Variants in ARHGAP32 observed in about 807,000 individuals in gnomAD.
The protein encoded by ARHGAP32 is rho GTPase-activating protein 32.
Under a neutral mutation model 186.5 loss-of-function variants are expected in ARHGAP32, and 51 were observed. The observed-to-expected ratio is 0.27, with a 90% CI of 0.22 to 0.35. The LOEUF (loss-of-function observed/expected upper bound fraction) is 0.35. Among genes scored for constraint, ARHGAP32 ranks in the 10% least tolerant of loss-of-function variants. The pLI, the probability that ARHGAP32 is intolerant of heterozygous loss-of-function variation, is 1.00. For missense variants in ARHGAP32, 2,186 were observed against 2,623.5 expected, an observed-to-expected ratio of 0.83 and a Z score of 3.64; for synonymous variants, 950 against 964.3, an observed-to-expected ratio of 0.99 and a Z score of 0.27.
intron 1 of ARHGAP32, among the ~76,000 whole-genome samples, chr11:129,216,920 T>C (rs1247454587): frequency 6.6e-6 from 1 of 152,004 alleles, no homozygotes; most frequent in African/African-American, 2.4e-5. Context: ...TTTTTCTAAA[T>C]GGCCCAATAT....
intron 1 of ARHGAP32, among the ~76,000 whole-genome samples, chr11:129,235,886 TTA>T (rs763835017): frequency 8.4e-5 from 12 of 142,298 alleles, no homozygotes; most frequent in Non-Finnish European, 1.8e-4. Flanking sequence ...GCAAATGCCA[TTA>T]TGTCATTCAT....
At chr11:129,010,891 T>G (rs1404299915) in intron 11 of ARHGAP32, among the ~76,000 whole-genome samples, 1 of 152,210 alleles carries the variant, frequency 6.6e-6, no homozygotes, top group Non-Finnish European at 1.5e-5. Context: ...AATTGTCAAA[T>G]TTGGTAACTG....
chr11:129,219,438 C>A (rs1185352311), intron 1 of ARHGAP32, among the ~76,000 whole-genome samples: 1 of 152,188 alleles, frequency 6.6e-6, no homozygotes, highest in East Asian at 1.9e-4. Flanking sequence ...TTCTAGTATT[C>A]CTATCCTCAC....
intron 6 of ARHGAP32, among the ~76,000 whole-genome samples, chr11:129,082,634 A>G (rs1941253590): frequency 6.6e-6 from 1 of 152,176 alleles, no homozygotes; most frequent in South Asian, 2.1e-4. Context: ...AAGACCTGAC[A>G]CCACAAAAAT....
intron 2 of ARHGAP32, among the ~76,000 whole-genome samples, chr11:129,163,828 C>T (rs1565451261): frequency 6.6e-6 from 1 of 152,136 alleles, no homozygotes; most frequent in African/African-American, 2.4e-5. Context: ...CAATAAAGTA[C>T]AAGAAACTGC....
At chr11:129,126,108 A>T (rs1483247325) in intron 2 of ARHGAP32, 1 of 250,480 alleles carries the variant, frequency 4.0e-6, no homozygotes, top group South Asian at 4.1e-5. Flanking sequence ...CTAGAAAAAA[A>T]TTTTAAGACT....
At position 128,969,325 on chromosome 11, in the gene ARHGAP32, T is replaced by C. The variant is rs1338095615; in HGVS notation, c.5888A>G (p.Glu1963Gly). The C allele has an allele frequency of 1.2e-6, 2 of 1,614,236 alleles. No homozygotes were observed. The highest frequency in any genetic ancestry group is 1.3e-5 in the African/African-American group (1 of 75,056). The change falls in exon 23 of 23, where the codon GAG (glutamate) becomes GGG (glycine). Residue 1963 changes from glutamate (E) to glycine (G), a missense_variant. By Grantham distance (98) the Glu-to-Gly change is moderately conservative (BLOSUM62 -2). Around this residue, in one of 5 missense-constraint regions of ARHGAP32, gnomAD observed 1,502 missense variants for 1,570.0 expected, o/e 0.96. Coordinates refer to ENST00000682385, the MANE Select transcript of ARHGAP32 (RefSeq NM_001378024.1). This position sits in a 1 kb window ranked among gnomAD's most constrained non-coding sequence, Gnocchi z 4.8. ...AGAAGGCTGCCTAACCCAGGGTCGCTCCATCTCTTTGGAGAGCCTTACCTC... is the reference window on the plus strand; with the variant it reads ...AGAAGGCTGCCTAACCCAGGGTCGCCCCATCTCTTTGGAGAGCCTTACCTC... Reference protein sequence around the residue: ...HKEVRLSKEMERPWVRQPSAP... With the variant: ...HKEVRLSKEMGRPWVRQPSAP...
chr11:129,019,600 A>G (rs562978899), intron 11 of ARHGAP32, among the ~76,000 whole-genome samples: 1 of 152,194 alleles, frequency 6.6e-6, no homozygotes, highest in African/African-American at 2.4e-5. Context: ...CTATATATCT[A>G]TTTCTAATTA....
At position 129,041,029 on chromosome 11, in the gene ARHGAP32, A is replaced by G; in HGVS notation, c.964-20T>C. ...TCCCACCTGATGAAAAGCAACAAAG[A>G]AAGGATTCTAAACCAGCAAACAGAC... On this transcript the variant is annotated intron_variant, in intron 10 of 22. Transcript: ENST00000682385. 6.5e-7 allele frequency: 1 copy of G among 1,549,952 alleles called. No individual in the cohort carries two copies. The highest frequency in any genetic ancestry group is 8.8e-7 in the Non-Finnish European group (1 of 1,137,008).
At chr11:129,124,154 G>C (rs1942601641) in intron 3 of ARHGAP32, among the ~76,000 whole-genome samples, 1 of 151,996 alleles carries the variant, frequency 6.6e-6, no homozygotes, top group African/African-American at 2.4e-5. Flanking sequence ...GGGATATCTT[G>C]GGGCTGGGAC....
Position 129,235,349 on chromosome 11 carries a change from C to A in ARHGAP32, c.-5+43797G>T, listed in dbSNP as rs1944914776. On this transcript the variant is annotated intron_variant, in intron 1 of 6. Transcript: ENST00000525234. ...CTTTACCTGCTCTAGAATTTCATCT[C>A]ACATTTACTGGGCTCCTCCCTACAC... 7.9e-5 allele frequency among the ~76,000 whole-genome samples: 12 copies of A among 152,146 alleles called. No homozygotes were observed. The South Asian group carries it at 2.5e-3, about 32-fold the overall frequency.
intron 1 of ARHGAP32, among the ~76,000 whole-genome samples, chr11:129,221,299 G>T (rs1264396056): frequency 6.6e-6 from 1 of 152,024 alleles, no homozygotes; most frequent in African/African-American, 2.4e-5. Context: ...TAATTGAATA[G>T]AACTTTTAAT....
chr11:128,969,136 T>C lies in ARHGAP32; in HGVS notation c.6077A>G (p.Lys2026Arg). ...SVLYQYQPHG[K>R]RQSSVTVVSQ... is the part of the protein sequence containing the mutation. ...CACAACAGTCACACTGCTCTGGCGC[T>C]TGCCGTGTGGTTGGTACTGGTACAG... The change falls in exon 23 of 23, where the codon AAG becomes AGG. Residue 2026 changes from lysine to arginine, a missense_variant. Physicochemically the swap from Lys to Arg is conservative, Grantham distance 26. Coordinates refer to ENST00000682385, the MANE Select transcript of ARHGAP32 (RefSeq NM_001378024.1). This position sits in a 1 kb window ranked among gnomAD's most constrained non-coding sequence, Gnocchi z 4.8. 1 of 1,607,432 alleles carries C rather than the reference T, an allele frequency of 6.2e-7. No individual in the cohort carries two copies. The highest frequency in any genetic ancestry group is 8.5e-7 in the Non-Finnish European group (1 of 1,175,350).
At chr11:129,226,682 A>C (rs1264098770) in intron 1 of ARHGAP32, among the ~76,000 whole-genome samples, 2 of 152,202 alleles carry the variant, frequency 1.3e-5, no homozygotes. Context: ...ACATGGATAA[A>C]TATTCCAATT....
rs997423708 is a variant in ARHGAP32 at position 128,967,690 on chromosome 11, T to C, written c.*1217A>G. ...CAAGAAGACTGTGACCACACAAGTA[T>C]AGAGTAAGCAAACGACAGTAATGCC... On this transcript the variant is annotated 3_prime_UTR_variant, in exon 23 of 23. Coordinates refer to ENST00000682385, the MANE Select transcript of ARHGAP32 (RefSeq NM_001378024.1). The C allele has an allele frequency of 6.6e-6, 1 of 152,176 alleles. No individual in the cohort carries two copies. The highest frequency in any genetic ancestry group is 2.1e-4 in the South Asian group (1 of 4,822). 9.4% of individuals were successfully genotyped at this position (152,176 alleles called of 1,614,324 possible).
chr11:129,236,605 TC>T (rs1774851959), intron 1 of ARHGAP32, among the ~76,000 whole-genome samples: 1 of 152,248 alleles, frequency 6.6e-6, no homozygotes, highest in South Asian at 2.1e-4. Context: ...TGTCTTTGCA[TC>T]CTGAAACTCT....
intron 19 of ARHGAP32, among the ~76,000 whole-genome samples, chr11:128,977,095 C>T (rs1945568704): frequency 6.6e-6 from 1 of 152,136 alleles, no homozygotes; most frequent in South Asian, 2.1e-4. Context: ...CCAGCAGCCA[C>T]CAGGAGCTTG....
intron 13 of ARHGAP32, among the ~76,000 whole-genome samples, chr11:128,987,685 A>G (rs570383359): frequency 2.0e-5 from 3 of 152,178 alleles, no homozygotes; most frequent in Non-Finnish European, 4.4e-5. Flanking sequence ...TTCCATTCCC[A>G]TCCATTTTAA....
At chr11:128,973,664 C>A in intron 21 of ARHGAP32, 1 of 569,040 alleles carries the variant, frequency 1.8e-6, no homozygotes, top group Non-Finnish European at 3.1e-6. Flanking sequence ...TGAATTGTTA[C>A]AGAGATGGGG....
Sources: gnomAD v4.1 joint callset for allele counts (sites outside exome capture counted in the v4.1 genomes callset) on GRCh38, gnomAD v4.1.1 for gene constraint, gnomAD v4.1.1 regional missense constraint, Gnocchi (gnomAD v3.1) non-coding constraint, MANE v1.5 for transcripts, NCBI Gene and HGNC (gene_info 2026-07-23, HGNC 2026-07-21) for gene names.